ING4: variants seen among roughly 807,000 people sequenced by gnomAD.
ING4 encodes the protein inhibitor of growth protein 4.
In ING4, 28 loss-of-function variants were observed where a neutral mutation model predicts 33.1. The observed-to-expected ratio is 0.85, with a 90% confidence interval of 0.63 to 1.16. The LOEUF (loss-of-function observed/expected upper bound fraction) is 1.16, where lower values mean the gene tolerates loss of function less well. Among genes scored for constraint, ING4 ranks in the 50% most tolerant of loss-of-function variants. The pLI, the probability that ING4 is intolerant of heterozygous loss-of-function variation, is 0.00. For missense variants in ING4, 247 were observed against 314.7 expected, an observed-to-expected ratio of 0.78 and a Z score of 1.63; for synonymous variants, 87 against 104.4, an observed-to-expected ratio of 0.83 and a Z score of 1.02.
At chr12:6,658,724 T>C (rs978375213) in intron 1 of ING4, among the ~76,000 whole-genome samples, 2 of 152,022 alleles carry the variant, frequency 1.3e-5, no homozygotes, top group Non-Finnish European at 2.9e-5. Flanking sequence ...AAATAAAAAA[T>C]GCAAACCTAA....
intron 1 of ING4, among the ~76,000 whole-genome samples, chr12:6,662,083 C>T (rs1362976509): frequency 6.6e-6 from 1 of 152,156 alleles, no homozygotes; most frequent in Non-Finnish European, 1.5e-5. Flanking sequence ...ATACGCTGAC[C>T]TCTGAGTCAT....
At chr12:6,660,986 T>C (rs1592334672) in intron 1 of ING4, among the ~76,000 whole-genome samples, 2 of 152,162 alleles carry the variant, frequency 1.3e-5, no homozygotes, top group South Asian at 4.1e-4. Flanking sequence ...AGAGACGGGG[T>C]TTCACTATGT....
intron 1 of ING4, among the ~76,000 whole-genome samples, chr12:6,660,513 C>A (rs141623263): frequency 0.024 from 3,681 of 152,084 alleles, 129 homozygotes; most frequent in African/African-American, 0.078. Flanking sequence ...GAGGCTGAGG[C>A]AGGAGAATCA....
intron 2 of ING4, among the ~76,000 whole-genome samples, chr12:6,654,787 C>T (rs919046655): frequency 9.3e-5 from 14 of 150,206 alleles, no homozygotes; most frequent in African/African-American, 2.2e-4. Flanking sequence ...TGCAGTGGCA[C>T]GATCTTGGCT....
At chr12:6,661,422 T>G (rs537659631) in intron 1 of ING4, among the ~76,000 whole-genome samples, 17 of 148,504 alleles carry the variant, frequency 1.1e-4, no homozygotes, top group South Asian at 6.4e-4. Flanking sequence ...TTTTTTTTTT[T>G]TTTTTTTGAG....
chr12:6,652,584 G>A (rs1949216952), intron 5 of ING4, 78 bp downstream of exon 5: 15 of 1,423,526 alleles, frequency 1.1e-5, no homozygotes, highest in Non-Finnish European at 1.5e-5. Flanking sequence ...GAAAGCGGCA[G>A]GGGGCGGTGC....
In ING4 at chr12:6,653,395, G is replaced by T; in HGVS notation, c.111C>A (p.Asp37Glu). The change falls in exon 3 of 8, where the codon GAC becomes GAA. Residue 37 changes from aspartate to glutamate, a missense_variant and splice_region_variant. Asp to Glu is a conservative substitution (Grantham distance 45). This residue lies in a region of ING4 where 198 missense variants were observed against 221.2 expected (regional missense o/e 0.89). Coordinates refer to ENST00000341550, the MANE Select transcript of ING4 (RefSeq NM_016162.4). ...CCAACTTGTCAATTTCAGCCTTCAG[G>T]TCTACAACAGAGACAGAGGCCTGGT... ...LMRDLDQRTE[D>E]LKAEIDKLAT... 6.2e-7 allele frequency: 1 copy of T among 1,613,566 alleles called. No individual in the cohort carries two copies. Among genetic ancestry groups the T allele is most frequent in the Non-Finnish European group, 8.5e-7 (1 of 1,179,806 alleles).
chr12:6,653,066 G>A lies in ING4; in HGVS notation c.277-16C>T, dbSNP rs1476320684. On this transcript the variant is annotated splice_polypyrimidine_tract_variant and intron_variant, in intron 3 of 7. Transcript: ENST00000341550. Reference sequence around the variant, plus strand: ...GTTTGTCCACCTGGGTGGAAAGGAAGGAGAAAGGAGAGGTACAAAACTATC... The same window carrying A: ...GTTTGTCCACCTGGGTGGAAAGGAAAGAGAAAGGAGAGGTACAAAACTATC... 6.2e-7 allele frequency: 1 copy of A among 1,612,368 alleles called. No individual in the cohort carries two copies.
rs1033797776 is a variant in ING4 at position 6,661,226 on chromosome 12, T to C, written c.37+1839A>G. ...GATTCTCCTGCCTTAGCCTCCTAAGTAGCTGGGACTACAGGGGCACACCAC... is the reference window on the plus strand; with the variant it reads ...GATTCTCCTGCCTTAGCCTCCTAAGCAGCTGGGACTACAGGGGCACACCAC... On this transcript the variant is annotated intron_variant, in intron 1 of 7. Coordinates refer to ENST00000341550, the MANE Select transcript of ING4 (RefSeq NM_016162.4). 2.8e-4 allele frequency among the ~76,000 whole-genome samples: 43 copies of C among 151,094 alleles called. 1 individual carries two copies. Among genetic ancestry groups the C allele is most frequent in the Admixed American group, 2.6e-3 (39 of 15,162 alleles).
At position 6,652,399 on chromosome 12, in the gene ING4, G is replaced by T; in HGVS notation, c.517C>A (p.Pro173Thr). ...TGGACACTGCCAAAGGTCACTGAGG[G>T]CATCCCATACTCAGGACTTCTGCAT... ...LVRTSPEYGM[P>T]SVTFGSVHPS... The change falls in exon 6 of 8, where the codon CCC (proline) becomes ACC (threonine). Residue 173 changes from proline (P) to threonine (T), a missense_variant. Pro to Thr is a conservative substitution (Grantham distance 38). This residue lies in a region of ING4 where 198 missense variants were observed against 221.2 expected (regional missense o/e 0.89). Transcript: ENST00000341550. 1 of 1,614,038 alleles carries T rather than the reference G, an allele frequency of 6.2e-7. No homozygotes were observed. The highest frequency in any genetic ancestry group is 8.5e-7 in the Non-Finnish European group (1 of 1,179,978).
At position 6,655,673 on chromosome 12, in the gene ING4, G is replaced by C. The variant is rs529093085; in HGVS notation, c.109+1054C>G. On this transcript the variant is annotated intron_variant, in intron 2 of 7. Coordinates refer to ENST00000341550, the MANE Select transcript of ING4 (RefSeq NM_016162.4). ...GCAGTTCTCAGGGAACTGTGTCCAG[G>C]GTTTTTGATGATGTTCACCTTTTCA... is the stretch of plus-strand genomic sequence containing the variant. 1.9e-5 allele frequency: 19 copies of C among 1,015,718 alleles called. No individual in the cohort carries two copies. The African/African-American group carries it at 2.2e-4, about 12-fold the overall frequency. 62.9% of individuals were successfully genotyped at this position (1,015,718 alleles called of 1,614,324 possible).
chr12:6,656,532 A>G, intron 2 of ING4, 195 bp downstream of exon 2: 1 of 511,398 alleles, frequency 2.0e-6, no homozygotes, highest in Non-Finnish European at 3.4e-6. Context: ...CGTTTTCACA[A>G]TACTCTATTT....
At chr12:6,654,944 C>T (rs1014758405) in intron 2 of ING4, among the ~76,000 whole-genome samples, 1 of 152,114 alleles carries the variant, frequency 6.6e-6, no homozygotes. Context: ...AGGCTGGTCT[C>T]GAAGTTCTGA....
Position 6,652,943 on chromosome 12 carries a change from G to T in ING4, c.384C>A (p.Gly128=). The change falls in exon 4 of 8, where the codon GGC becomes GGA. Residue 128 remains glycine (G), a synonymous_variant. Coordinates refer to ENST00000341550, the MANE Select transcript of ING4 (RefSeq NM_016162.4). ...SSDYDSSSSK[G]KKSRTQKEKK... ...GCCCCGCCCCCTCCTCACTCTTTTT[G>T]CCTTTGCTGGAAGAGCTGTCATAGT... 1.9e-6 allele frequency: 3 copies of T among 1,611,622 alleles called. No individual in the cohort carries two copies. Among genetic ancestry groups the T allele is most frequent in the Non-Finnish European group, 2.5e-6 (3 of 1,178,758 alleles).
intron 2 of ING4, 99 bp from the exon 3 acceptor site, chr12:6,653,495 T>C (rs1949251593): frequency 1.7e-6 from 2 of 1,181,920 alleles, no homozygotes; most frequent in South Asian, 1.6e-5. Flanking sequence ...TTGATTAGCA[T>C]AACCTTCCAA....
At position 6,659,812 on chromosome 12, in the gene ING4, C is replaced by CAA. The variant is rs35710003; in HGVS notation, c.38-3016_38-3015dup. Among the ~76,000 whole-genome samples, 217 of 75,096 alleles carry CAA rather than the reference C, an allele frequency of 2.9e-3. 2 individuals carry two copies. The highest frequency in any genetic ancestry group is 8.4e-3 in the African/African-American group (198 of 23,456). The allele number at this position is 75,096 out of a possible 152,430, so 49.3% of individuals were successfully genotyped here. ...TGGGCGACAGAGCGAGACTCTGTCTCAAAAAAAAAAAAAAAAAATAGATGG... is the reference window on the plus strand; with the variant it reads ...TGGGCGACAGAGCGAGACTCTGTCTCAAAAAAAAAAAAAAAAAAAATAGATGG... On this transcript the variant is annotated intron_variant, in intron 1 of 7. Coordinates refer to ENST00000341550, the MANE Select transcript of ING4 (RefSeq NM_016162.4).
At chr12:6,655,882 A>G (rs1051266395) in intron 2 of ING4, 6 of 456,208 alleles carry the variant, frequency 1.3e-5, no homozygotes, top group African/African-American at 1.0e-4. Context: ...AATTTGCTCA[A>G]TGTTCCAGGC....
rs760261069 is a variant in ING4, at chr12:6,663,103, T to A, written c.-2A>T. 1 of 1,614,164 alleles carries A rather than the reference T, an allele frequency of 6.2e-7. No homozygotes were observed. The highest frequency in any genetic ancestry group is 1.1e-5 in the South Asian group (1 of 91,086). Reference sequence around the variant, plus strand: ...TTCCAAATACATCCCCGCAGCCATCTCGAAGCAAAACAAAGCAACTTCCGA... The same window carrying A: ...TTCCAAATACATCCCCGCAGCCATCACGAAGCAAAACAAAGCAACTTCCGA... On this transcript the variant is annotated 5_prime_UTR_variant, in exon 1 of 8. Transcript: ENST00000341550.
chr12:6,655,192 C>T (rs4764618), intron 2 of ING4, among the ~76,000 whole-genome samples: 122,060 of 152,068 alleles, frequency 0.8, 51,017 homozygotes, highest in Non-Finnish European at 0.93. Context: ...TACTGGCATG[C>T]GCCACCACAC....
Sources: allele counts gnomAD v4.1 joint callset (sites outside exome capture counted in the v4.1 genomes callset), GRCh38; gene constraint gnomAD v4.1.1; regional missense constraint gnomAD v4.1.1; transcripts MANE v1.5; gene names NCBI Gene and HGNC (gene_info 2026-07-23, HGNC 2026-07-21).